The following ARHGAP22 variants were observed in gnomAD, a reference collection of about 807,000 sequenced individuals.
ARHGAP22 encodes rho GTPase-activating protein 22.
In ARHGAP22, 48 loss-of-function variants were observed where a neutral mutation model predicts 59.1. The ratio of observed to expected loss-of-function variants is 0.81; its 90% confidence interval spans 0.64 to 1.03. The LOEUF (loss-of-function observed/expected upper bound fraction) is 1.03. Ranked by LOEUF, ARHGAP22 falls within the 50% of genes least tolerant of loss-of-function variation. The pLI is 0.00. For missense variants in ARHGAP22, 1,015 were observed against 958.7 expected (o/e 1.06, Z -0.78); for synonymous variants, 445 against 416.4 (o/e 1.07, Z -0.84).
intron 2 of ARHGAP22, among the ~76,000 whole-genome samples, chr10:48,566,388 C>T (rs948281532): frequency 2.0e-5 from 3 of 152,170 alleles, no homozygotes; most frequent in East Asian, 1.9e-4. Context: ...GGGAAGCATC[C>T]TCCTTGCTTC....
intron 1 of ARHGAP22, among the ~76,000 whole-genome samples, chr10:48,620,766 A>G (rs2136029472): frequency 6.6e-6 from 1 of 152,268 alleles, no homozygotes; most frequent in African/African-American, 2.4e-5. Context: ...CAGAGTAGGG[A>G]GCCACCCCTC....
chr10:48,569,884 C>T (rs906929637), intron 2 of ARHGAP22, among the ~76,000 whole-genome samples: 2 of 152,178 alleles, frequency 1.3e-5, no homozygotes, highest in Non-Finnish European at 2.9e-5. Context: ...ACTTGATTTC[C>T]TTTTCCTAGG....
At chr10:48,448,632 C>T (rs1168003198) in intron 9 of ARHGAP22, among the ~76,000 whole-genome samples, 7 of 135,346 alleles carry the variant, frequency 5.2e-5, no homozygotes, top group African/African-American at 1.9e-4. Flanking sequence ...TTCCAGAGAA[C>T]AGGACACACA....
At chr10:48,476,684 G>T (rs1470013303) in intron 4 of ARHGAP22, among the ~76,000 whole-genome samples, 2 of 152,254 alleles carry the variant, frequency 1.3e-5, no homozygotes, top group Non-Finnish European at 2.9e-5. Context: ...TCAGCACACA[G>T]CCTGGGAAGG....
At chr10:48,495,976 C>T (rs2050883416) in intron 3 of ARHGAP22, among the ~76,000 whole-genome samples, 1 of 152,114 alleles carries the variant, frequency 6.6e-6, no homozygotes, top group African/African-American at 2.4e-5. Context: ...TGTGATTCAG[C>T]TTGAAGTGGA....
chr10:48,453,261 A>C, intron 8 of ARHGAP22, 43 bp downstream of exon 8: 1 of 1,610,224 alleles, frequency 6.2e-7, no homozygotes, highest in African/African-American at 1.3e-5. Flanking sequence ...ATGAGCCCAG[A>C]CCCCGGCAGC....
chr10:48,601,837 C>CT (rs2060401847), intron 1 of ARHGAP22, among the ~76,000 whole-genome samples: 1 of 152,168 alleles, frequency 6.6e-6, no homozygotes, highest in East Asian at 1.9e-4. Flanking sequence ...TATGAGTTGT[C>CT]TAGATCTAAT....
chr10:48,605,996 C>G (rs1479253840), upstream of ARHGAP22, among the ~76,000 whole-genome samples: 4 of 152,154 alleles, frequency 2.6e-5, no homozygotes, highest in Non-Finnish European at 4.4e-5. Flanking sequence ...CTTGAGCCCC[C>G]GATGAACTTG....
At chr10:48,528,449 C>CG (rs2054531673) in intron 3 of ARHGAP22, among the ~76,000 whole-genome samples, 1 of 152,080 alleles carries the variant, frequency 6.6e-6, no homozygotes, top group African/African-American at 2.4e-5. Flanking sequence ...CAATGTGGGG[C>CG]GGGGGATAGG....
At chr10:48,563,556 A>G (rs2057848636) in intron 2 of ARHGAP22, among the ~76,000 whole-genome samples, 1 of 152,216 alleles carries the variant, frequency 6.6e-6, no homozygotes, top group Admixed American at 6.5e-5. Flanking sequence ...CCTTAATTAA[A>G]TGCTTGCCAT....
At chr10:48,493,577 C>T (rs2050629484) in intron 3 of ARHGAP22, 5 of 1,507,202 alleles carry the variant, frequency 3.3e-6, no homozygotes, top group African/African-American at 1.4e-5. Flanking sequence ...GCACGAGGCA[C>T]TCCTCCACTG....
intron 1 of ARHGAP22, among the ~76,000 whole-genome samples, chr10:48,604,077 A>C (rs551863176): frequency 9.2e-5 from 14 of 152,372 alleles, no homozygotes; most frequent in African/African-American, 2.6e-4. Flanking sequence ...GTTGTTGTCC[A>C]TGGAGATGCT....
At chr10:48,469,894 C>A (rs911484491) in intron 4 of ARHGAP22, among the ~76,000 whole-genome samples, 8 of 152,214 alleles carry the variant, frequency 5.3e-5, no homozygotes, top group African/African-American at 1.4e-4. Flanking sequence ...CAGCCAGCAC[C>A]CAGGCTCTGC....
At chr10:48,456,737 C>T (rs916528402) in intron 5 of ARHGAP22, among the ~76,000 whole-genome samples, 5 of 152,108 alleles carry the variant, frequency 3.3e-5, no homozygotes, top group African/African-American at 1.2e-4. Flanking sequence ...ATCCCTGCCC[C>T]GCAGGGTCCT....
intron 1 of ARHGAP22, chr10:48,652,097 G>T: frequency 1.3e-6 from 1 of 779,860 alleles, no homozygotes; most frequent in Non-Finnish European, 2.1e-6. Context: ...GCTGAAGGAG[G>T]TCAGAACCCT....
At chr10:48,608,731 G>C (rs2060770730), upstream of ARHGAP22, among the ~76,000 whole-genome samples, 1 of 152,170 alleles carries the variant, frequency 6.6e-6, no homozygotes, top group African/African-American at 2.4e-5. Context: ...TAGTGGGCCG[G>C]ACCAGCTGGA....
At chr10:48,553,723 G>GCCCCCAACA (rs959136608) in intron 3 of ARHGAP22, among the ~76,000 whole-genome samples, 25 of 152,036 alleles carry the variant, frequency 1.6e-4, no homozygotes, top group African/African-American at 6.0e-4. Context: ...TTCTCCTACC[G>GCCCCCAACA]CCCCCAACAC....
the ARHGAP22 span, chr10:48,437,944 T>C: frequency 6.6e-6 from 1 of 152,286 alleles, no homozygotes; most frequent in Non-Finnish European, 1.5e-5. Context: ...CAGTGTCTGA[T>C]AGTGAAATCA....
exon 1 of ARHGAP22, chr10:48,652,611 A>T (rs534186356): frequency 1.8e-5 from 6 of 333,158 alleles, no homozygotes; most frequent in Non-Finnish European, 3.3e-5. Flanking sequence ...CAAAGAATTG[A>T]GAAGTGGAAA....
Sources: gnomAD v4.1 joint callset for allele counts (sites outside exome capture counted in the v4.1 genomes callset) on GRCh38, gnomAD v4.1.1 for gene constraint, MANE v1.5 for transcripts, NCBI Gene and HGNC (gene_info 2026-07-23, HGNC 2026-07-21) for gene names.